Variants in ADGRB3 observed in about 807,000 individuals in gnomAD.
ADGRB3 encodes the protein brain-specific angiogenesis inhibitor 3.
In ADGRB3, 37 loss-of-function variants were observed where a neutral mutation model predicts 193.4. The observed-to-expected ratio is 0.19, with a 90% CI of 0.15 to 0.25. The LOEUF (loss-of-function observed/expected upper bound fraction) is 0.25. ADGRB3 is among the 10% of genes least tolerant of loss of function. The pLI, the probability that ADGRB3 is intolerant of heterozygous loss-of-function variation, is 1.00. For synonymous variants in ADGRB3, 690 were observed against 644.2 expected, an observed-to-expected ratio of 1.07 and a Z score of -1.08; for missense variants, 1,637 against 1,852.9, an observed-to-expected ratio of 0.88 and a Z score of 2.14.
intron 20 of ADGRB3, among the ~76,000 whole-genome samples, chr6:69,319,364 ATT>A (rs1201013377): frequency 6.6e-6 from 1 of 151,212 alleles, no homozygotes; most frequent in African/African-American, 2.4e-5. Flanking sequence ...AATTTATTTT[ATT>A]TCACTTTCTA....
intron 3 of ADGRB3, among the ~76,000 whole-genome samples, chr6:68,787,882 G>C (rs1196416516): frequency 6.6e-6 from 1 of 152,124 alleles, no homozygotes; most frequent in Non-Finnish European, 1.5e-5. Flanking sequence ...TTTAGTCTTG[G>C]GAGGATATAT....
At chr6:69,280,243 C>T (rs751709246) in intron 20 of ADGRB3, among the ~76,000 whole-genome samples, 1 of 152,170 alleles carries the variant, frequency 6.6e-6, no homozygotes, top group Non-Finnish European at 1.5e-5. Context: ...ACAAGGCACT[C>T]GGGACTTGTG....
chr6:68,989,611 T>C (rs1392040923), intron 10 of ADGRB3, among the ~76,000 whole-genome samples: 5 of 152,160 alleles, frequency 3.3e-5, no homozygotes, highest in African/African-American at 1.2e-4. Flanking sequence ...AACAACGTGA[T>C]TATTTTCTCC....
chr6:68,905,260 T>TC (rs1766510247), intron 3 of ADGRB3, among the ~76,000 whole-genome samples: 1 of 152,188 alleles, frequency 6.6e-6, no homozygotes, highest in South Asian at 2.1e-4. Context: ...GGTACACATA[T>TC]AAGGTCACCT....
chr6:68,637,909 C>T (rs1233136807), intron 2 of ADGRB3, among the ~76,000 whole-genome samples: 3 of 151,990 alleles, frequency 2.0e-5, no homozygotes, highest in Non-Finnish European at 2.9e-5. Flanking sequence ...TGCCCTAAAT[C>T]CTGGTTCTCA....
chr6:69,139,460 G>GT (rs1295788236), intron 17 of ADGRB3, among the ~76,000 whole-genome samples: 4 of 152,178 alleles, frequency 2.6e-5, no homozygotes, highest in Non-Finnish European at 5.9e-5. Flanking sequence ...ATAAAGACAT[G>GT]TATCTGTTGG....
chr6:69,274,549 T>G, intron 20 of ADGRB3, among the ~76,000 whole-genome samples: 1 of 140,108 alleles, frequency 7.1e-6, no homozygotes, highest in Non-Finnish European at 1.6e-5. Flanking sequence ...CTTTCCTTCC[T>G]TCCCTCTTCC....
chr6:68,936,511 GC>G lies in ADGRB3; in HGVS notation c.869-7del. On this transcript the variant is annotated splice_polypyrimidine_tract_variant and splice_region_variant and intron_variant, in intron 4 of 31. Coordinates refer to ENST00000370598, the MANE Select transcript of ADGRB3 (RefSeq NM_001704.3). ...GTATTTCATGTTTATTTGTTGTCTT[GC>G]ACGCAGGTGAATCTGGTGTGGAAGA... 1 of 1,613,042 alleles carries G rather than the reference GC, an allele frequency of 6.2e-7. No homozygotes were observed. Among genetic ancestry groups the G allele is most frequent in the Non-Finnish European group, 8.5e-7 (1 of 1,179,388 alleles).
intron 17 of ADGRB3, among the ~76,000 whole-genome samples, chr6:69,149,924 C>CTGTGTGTGTGTGTGTGTGTGTGTG (rs1167142377): frequency 7.8e-6 from 1 of 128,886 alleles, no homozygotes; most frequent in African/African-American, 3.0e-5. Flanking sequence ...GTCTGTCTTT[C>CTGTGTGTGTGTGTGTGTGTGTGTG]TGTGTGTGTG....
intron 29 of ADGRB3, among the ~76,000 whole-genome samples, chr6:69,364,132 C>T (rs1219422126): frequency 6.6e-6 from 1 of 151,930 alleles, no homozygotes; most frequent in Non-Finnish European, 1.5e-5. Context: ...GGCCAAGATC[C>T]TCAGGATACT....
chr6:68,994,867 G>A (rs538032299), intron 11 of ADGRB3, among the ~76,000 whole-genome samples: 2 of 112,270 alleles, frequency 1.8e-5, no homozygotes, highest in Non-Finnish European at 3.6e-5. Context: ...TACAGGATTT[G>A]TTTTGTTTTG....
At chr6:69,360,192 G>A (rs1769422393) in intron 28 of ADGRB3, among the ~76,000 whole-genome samples, 1 of 151,764 alleles carries the variant, frequency 6.6e-6, no homozygotes, top group East Asian at 1.9e-4. Context: ...AAACTCAGCT[G>A]GCAATTTTAA....
At chr6:69,008,355 GA>G (rs1415582528) in intron 11 of ADGRB3, among the ~76,000 whole-genome samples, 2 of 152,222 alleles carry the variant, frequency 1.3e-5, no homozygotes, top group East Asian at 1.9e-4. Flanking sequence ...CTTGAATAAA[GA>G]AATACATTTC....
At chr6:69,141,716 A>G (rs1438059923) in intron 17 of ADGRB3, among the ~76,000 whole-genome samples, 2 of 152,172 alleles carry the variant, frequency 1.3e-5, no homozygotes, top group African/African-American at 2.4e-5. Flanking sequence ...ACTTTGGATG[A>G]ATAGTCTGGG....
At chr6:69,333,087 T>A in intron 24 of ADGRB3, 79 bp downstream of exon 24, 2 of 1,461,044 alleles carry the variant, frequency 1.4e-6, no homozygotes, top group Non-Finnish European at 1.9e-6. Context: ...ACTGACTGCG[T>A]TTGACTCTGC....
At chr6:69,030,574 A>G (rs1410799695) in intron 13 of ADGRB3, among the ~76,000 whole-genome samples, 1 of 152,076 alleles carries the variant, frequency 6.6e-6, no homozygotes, top group African/African-American at 2.4e-5. Flanking sequence ...ATGAGAACAC[A>G]TGGACACAGG....
chr6:69,133,670 G>A (rs1197493090), intron 17 of ADGRB3, among the ~76,000 whole-genome samples: 1 of 100,346 alleles, frequency 1.0e-5, no homozygotes, highest in Non-Finnish European at 2.2e-5. Context: ...AACAAAAAAA[G>A]AAAATTTCTT....
chr6:68,894,916 T>C (rs1766177552), intron 3 of ADGRB3, among the ~76,000 whole-genome samples: 1 of 151,818 alleles, frequency 6.6e-6, no homozygotes, highest in Admixed American at 6.6e-5. Context: ...AAGATCCCAT[T>C]ATCAGTAGGT....
chr6:69,150,787 A>T (rs1393283123), intron 17 of ADGRB3, among the ~76,000 whole-genome samples: 1 of 152,184 alleles, frequency 6.6e-6, no homozygotes. Flanking sequence ...GCTGCTGATT[A>T]TTCAGGACCC....
Sources: allele counts gnomAD v4.1 joint callset (sites outside exome capture counted in the v4.1 genomes callset), GRCh38; gene constraint gnomAD v4.1.1; transcripts MANE v1.5; gene names NCBI Gene and HGNC (gene_info 2026-07-23, HGNC 2026-07-21).